The following TDRD3 variants were observed in gnomAD, a reference collection of about 807,000 sequenced individuals.
TDRD3 encodes tudor domain-containing protein 3.
TDRD3 carries 45 observed loss-of-function variants against 86.7 expected under a neutral mutation model. The observed-to-expected ratio is 0.52, with a 90% CI of 0.41 to 0.67. The LOEUF is 0.67. TDRD3 is among the 30% of genes least tolerant of loss of function. TDRD3 has a pLI of 0.00. For missense variants in TDRD3, 814 were observed against 889.0 expected (o/e 0.92, Z 1.07); for synonymous variants, 298 against 301.7 (o/e 0.99, Z 0.13).
chr13:60,468,707 C>T (rs1049768105), intron 5 of TDRD3, among the ~76,000 whole-genome samples: 5 of 152,130 alleles, frequency 3.3e-5, no homozygotes, highest in African/African-American at 1.2e-4. Flanking sequence ...CAATCCAAGA[C>T]CATTTTTTTC....
Position 60,535,219 on chromosome 13 carries a change from C to G in TDRD3, c.2104C>G (p.Gln702Glu). ...GCTACTGAGCAATATCAAGCCCATT[C>G]AAACAGAGGCATGGGTACGTGATAC... is the stretch of plus-strand genomic sequence containing the variant. Reference protein sequence around the residue: ...EVLLSNIKPIQTEAWEEEGTY... With the variant: ...EVLLSNIKPIETEAWEEEGTY... Residue 702 changes from glutamine to glutamate, a missense_variant, in exon 12 of 14, where the codon CAA (glutamine) becomes GAA (glutamate). By Grantham distance (29) the Gln-to-Glu change is conservative (BLOSUM62 2). Transcript: ENST00000377881. The G allele has an allele frequency of 1.2e-6, 2 of 1,613,408 alleles. No individual in the cohort carries two copies. The highest frequency in any genetic ancestry group is 1.7e-6 in the Non-Finnish European group (2 of 1,179,660).
At chr13:60,428,146 T>C (rs1476021146) in intron 1 of TDRD3, among the ~76,000 whole-genome samples, 2 of 151,686 alleles carry the variant, frequency 1.3e-5, no homozygotes, top group Non-Finnish European at 2.9e-5. Flanking sequence ...TGTGTGTCAC[T>C]TTACTCTGTG....
intron 1 of TDRD3, among the ~76,000 whole-genome samples, chr13:60,424,720 TA>T (rs1954757908): frequency 6.6e-6 from 1 of 152,162 alleles, no homozygotes; most frequent in African/African-American, 2.4e-5. Context: ...TAGCTTTTCG[TA>T]TATTCACAGA....
chr13:60,403,920 C>T (rs769490134), intron 1 of TDRD3, among the ~76,000 whole-genome samples: 2 of 152,160 alleles, frequency 1.3e-5, no homozygotes, highest in Non-Finnish European at 2.9e-5. Flanking sequence ...ATAATATGTG[C>T]ACTGAAATAC....
At chr13:60,525,202 CTCTG>C (rs1249189671) in intron 10 of TDRD3, among the ~76,000 whole-genome samples, 1 of 92,416 alleles carries the variant, frequency 1.1e-5, no homozygotes, top group Non-Finnish European at 1.9e-5. Flanking sequence ...GAGACGAGAT[CTCTG>C]TCTGTCGCCC....
chr13:60,503,544 G>A (rs564133916), intron 8 of TDRD3, among the ~76,000 whole-genome samples: 4 of 152,132 alleles, frequency 2.6e-5, no homozygotes, highest in African/African-American at 7.2e-5. Context: ...ACATCATTTC[G>A]GAAATCCAAT....
intron 12 of TDRD3, chr13:60,537,816 T>A (rs1957731544): frequency 6.6e-6 from 1 of 152,032 alleles, no homozygotes; most frequent in Non-Finnish European, 1.5e-5. Flanking sequence ...AGATTTATGT[T>A]TGTATTGCCA....
intron 12 of TDRD3, among the ~76,000 whole-genome samples, chr13:60,540,026 T>C (rs1957775415): frequency 6.6e-6 from 1 of 152,174 alleles, no homozygotes; most frequent in Admixed American, 6.5e-5. Flanking sequence ...TGCCAATTAG[T>C]ATTTAGTAAA....
intron 2 of TDRD3, among the ~76,000 whole-genome samples, chr13:60,440,103 T>C (rs1249932486): frequency 1.3e-5 from 2 of 152,198 alleles, no homozygotes; most frequent in African/African-American, 4.8e-5. Context: ...AATTGCCATT[T>C]AATTTACATA....
At chr13:60,454,746 C>T (rs1296566223) in intron 3 of TDRD3, among the ~76,000 whole-genome samples, 1 of 151,838 alleles carries the variant, frequency 6.6e-6, no homozygotes, top group African/African-American at 2.4e-5. Flanking sequence ...TAGATGCGTA[C>T]ATGGATGACA....
At chr13:60,505,888 G>A (rs1460416372) in intron 8 of TDRD3, among the ~76,000 whole-genome samples, 1 of 152,196 alleles carries the variant, frequency 6.6e-6, no homozygotes, top group Non-Finnish European at 1.5e-5. Context: ...TATGTGAAAA[G>A]ACCAAACCTA....
intron 4 of TDRD3, among the ~76,000 whole-genome samples, chr13:60,464,662 A>T (rs1955879355): frequency 6.6e-6 from 1 of 152,164 alleles, no homozygotes; most frequent in Non-Finnish European, 1.5e-5. Flanking sequence ...AACAACAGGG[A>T]TAGAACTGGA....
chr13:60,467,525 GTCTAAGTGT>G, intron 5 of TDRD3, 146 bp downstream of exon 5: 1 of 871,272 alleles, frequency 1.1e-6, no homozygotes, highest in African/African-American at 1.7e-5. Flanking sequence ...AACTATCTTT[GTCTAAGTGT>G]ATTGTTTCTC....
intron 1 of TDRD3, among the ~76,000 whole-genome samples, chr13:60,421,997 G>C (rs1319373488): frequency 1.3e-5 from 2 of 152,194 alleles, no homozygotes; most frequent in Admixed American, 6.5e-5. Context: ...ATGAAAAACA[G>C]TGGGTCAGGC....
intron 3 of TDRD3, among the ~76,000 whole-genome samples, chr13:60,450,957 ACATACACACACAGATCACG>A (rs1432485186): frequency 4.5e-4 from 69 of 152,282 alleles, no homozygotes; most frequent in South Asian, 2.1e-4. Context: ...GTACATACAC[ACATACACACACAGATCACG>A]CATACACACA....
chr13:60,543,952 T>C (rs1957874806), intron 12 of TDRD3, among the ~76,000 whole-genome samples: 1 of 151,702 alleles, frequency 6.6e-6, no homozygotes, highest in East Asian at 1.9e-4. Context: ...TTATCGTTTT[T>C]GTAATATAGC....
chr13:60,567,810 G>T (rs1488689196), intron 13 of TDRD3, among the ~76,000 whole-genome samples, 160 bp downstream of exon 13: 1 of 151,790 alleles, frequency 6.6e-6, no homozygotes, highest in African/African-American at 2.4e-5. Context: ...TGTAACTTCT[G>T]CCTCCCAGGT....
At chr13:60,411,896 T>C (rs1476079038) in intron 1 of TDRD3, among the ~76,000 whole-genome samples, 1 of 152,336 alleles carries the variant, frequency 6.6e-6, no homozygotes, top group East Asian at 1.9e-4. Flanking sequence ...TTTAGGGTAT[T>C]GTCATTGTCT....
chr13:60,400,133 T>C (rs1954054362), intron 1 of TDRD3, among the ~76,000 whole-genome samples: 1 of 152,232 alleles, frequency 6.6e-6, no homozygotes, highest in East Asian at 1.9e-4. Flanking sequence ...AATAATGCAC[T>C]AAATGGTACC....
Sources: allele counts gnomAD v4.1 joint callset (sites outside exome capture counted in the v4.1 genomes callset), GRCh38; gene constraint gnomAD v4.1.1; transcripts MANE v1.5; gene names NCBI Gene and HGNC (gene_info 2026-07-23, HGNC 2026-07-21).